RIMS4: variants seen among roughly 807,000 people sequenced by gnomAD.
The protein encoded by RIMS4 is regulating synaptic membrane exocytosis 4.
RIMS4 carries 9 observed loss-of-function variants against 29.0 expected under a neutral mutation model. The ratio of observed to expected loss-of-function variants is 0.31; its 90% CI spans 0.19 to 0.54. The LOEUF (loss-of-function observed/expected upper bound fraction) is 0.54. Among genes scored for constraint, RIMS4 ranks in the 20% least tolerant of loss-of-function variants. The probability of loss-of-function intolerance (pLI) is 0.94; values close to 1 mark genes in which losing one functional copy is unlikely to be tolerated. For synonymous variants in RIMS4, 130 were observed against 152.9 expected (o/e 0.85, Z 1.10); for missense variants, 193 against 365.7 (o/e 0.53, Z 3.85).
intron 1 of RIMS4, among the ~76,000 whole-genome samples, chr20:44,787,112 CAG>C (rs1176989285): frequency 7.2e-5 from 11 of 152,120 alleles, no homozygotes; most frequent in Non-Finnish European, 1.5e-4. Context: ...ATTCCCAACA[CAG>C]GGAACAGAAA....
At position 44,773,836 on chromosome 20, in the gene RIMS4, G is replaced by A. The variant is rs540268530; in HGVS notation, c.98-2423C>T. The stretch of plus-strand genomic sequence containing the variant: ...TCAGAAGGCCCAGGTATGGAGACCC[G>A]GGGCAAGCTGGACGGCATCTTCCCA... On this transcript the variant is annotated intron_variant, in intron 1 of 5. Transcript: ENST00000372851. Among the ~76,000 whole-genome samples, 9 of 152,268 alleles carry A rather than the reference G, an allele frequency of 5.9e-5. No homozygotes were observed. The South Asian group carries it at 6.2e-4, about 11-fold the overall frequency.
chr20:44,783,741 C>T (rs558924381), intron 1 of RIMS4, among the ~76,000 whole-genome samples: 1 of 152,208 alleles, frequency 6.6e-6, no homozygotes, highest in Non-Finnish European at 1.5e-5. Flanking sequence ...ATCATCTCTT[C>T]TATGACTCTA....
chr20:44,793,448 C>T (rs1466006730), intron 1 of RIMS4, among the ~76,000 whole-genome samples: 1 of 152,180 alleles, frequency 6.6e-6, no homozygotes, highest in Non-Finnish European at 1.5e-5. Flanking sequence ...TCTCCCTCTG[C>T]TCCCATATCC....
chr20:44,761,002 T>C (rs1180730906), intron 2 of RIMS4, among the ~76,000 whole-genome samples: 1 of 152,132 alleles, frequency 6.6e-6, no homozygotes, highest in Admixed American at 6.5e-5. Context: ...CTTTGATAGT[T>C]ACCCTGGGCC....
At chr20:44,780,191 A>G (rs972231571) in intron 1 of RIMS4, among the ~76,000 whole-genome samples, 1 of 152,198 alleles carries the variant, frequency 6.6e-6, no homozygotes, top group African/African-American at 2.4e-5. Flanking sequence ...TTTTTTCAAC[A>G]TCTCCAAAAT....
At chr20:44,771,032 A>C (rs2066134964) in intron 2 of RIMS4, among the ~76,000 whole-genome samples, 1 of 152,214 alleles carries the variant, frequency 6.6e-6, no homozygotes, top group African/African-American at 2.4e-5. Flanking sequence ...GACCTTGCCC[A>C]AGGTCACACA....
At chr20:44,774,610 T>C (rs564356356) in intron 1 of RIMS4, among the ~76,000 whole-genome samples, 1 of 152,302 alleles carries the variant, frequency 6.6e-6, no homozygotes, top group Non-Finnish European at 1.5e-5. Context: ...TTGTGGGACC[T>C]TGCCTTGTAA....
chr20:44,807,947 T>G (rs2066306209), intron 1 of RIMS4, among the ~76,000 whole-genome samples: 1 of 152,062 alleles, frequency 6.6e-6, no homozygotes. Flanking sequence ...TTCTACACAG[T>G]AAGGTCTGGA....
intron 1 of RIMS4, among the ~76,000 whole-genome samples, chr20:44,789,932 T>G (rs1401992151): frequency 6.6e-6 from 1 of 152,180 alleles, no homozygotes; most frequent in African/African-American, 2.4e-5. Flanking sequence ...GTCAACAGAA[T>G]GGGGAGATTG....
chr20:44,776,962 T>G (rs1393284732), intron 1 of RIMS4, among the ~76,000 whole-genome samples: 1 of 152,196 alleles, frequency 6.6e-6, no homozygotes, highest in African/African-American at 2.4e-5. Flanking sequence ...TCCAAAGCCA[T>G]GTTTTAAATG....
At chr20:44,781,626 T>C (rs996340092) in intron 1 of RIMS4, among the ~76,000 whole-genome samples, 7 of 152,248 alleles carry the variant, frequency 4.6e-5, no homozygotes, top group Admixed American at 3.3e-4. Flanking sequence ...GGAGGTCCTA[T>C]GCTGAGCAGG....
At chr20:44,761,325 C>T (rs890428719) in intron 2 of RIMS4, among the ~76,000 whole-genome samples, 2 of 152,186 alleles carry the variant, frequency 1.3e-5, no homozygotes, top group Admixed American at 6.5e-5. Flanking sequence ...TGCATGGCCC[C>T]ACCCTATCCC....
intron 2 of RIMS4, among the ~76,000 whole-genome samples, chr20:44,765,018 A>T (rs1264180826): frequency 6.6e-6 from 1 of 152,188 alleles, no homozygotes; most frequent in Non-Finnish European, 1.5e-5. Flanking sequence ...TGATAGTACT[A>T]TTTATCAATG....
intron 1 of RIMS4, among the ~76,000 whole-genome samples, chr20:44,795,470 C>T (rs1181065708): frequency 6.6e-6 from 1 of 152,076 alleles, no homozygotes; most frequent in Admixed American, 6.5e-5. Flanking sequence ...CCCATCTCCA[C>T]TAAAACAAAA....
intron 3 of RIMS4, 31 bp downstream of exon 3, chr20:44,758,041 G>T: frequency 6.7e-7 from 1 of 1,491,760 alleles, no homozygotes; most frequent in South Asian, 1.2e-5. Flanking sequence ...AACTCCCCTA[G>T]TCCATTTGAA....
chr20:44,776,895 A>G (rs2066162562), intron 1 of RIMS4, among the ~76,000 whole-genome samples: 1 of 152,186 alleles, frequency 6.6e-6, no homozygotes. Flanking sequence ...TAACTTTCCC[A>G]AGGACATGCA....
rs770120199 is a variant in RIMS4, at chr20:44,769,280, CCTTT to C, written c.236+1991_236+1994del. The stretch of plus-strand genomic sequence containing the variant: ...GATAATGCTCCCCTTGGTCATGTGG[CCTTT>C]CTGAGCCTTCATCTCCTCTTCTATA... On this transcript the variant is annotated intron_variant, in intron 2 of 5. Transcript: ENST00000372851. 1.1e-4 allele frequency among the ~76,000 whole-genome samples: 17 copies of C among 152,328 alleles called. No individual in the cohort carries two copies. The South Asian group carries it at 1.7e-3, about 15-fold the overall frequency.
intron 1 of RIMS4, among the ~76,000 whole-genome samples, chr20:44,798,022 ACTACCCCTT>A (rs1278304483): frequency 6.6e-6 from 1 of 152,132 alleles, no homozygotes; most frequent in Non-Finnish European, 1.5e-5. Flanking sequence ...CGACAAATCA[ACTACCCCTT>A]CTGCTTTCAC....
At chr20:44,795,413 A>G (rs1601042264) in intron 1 of RIMS4, among the ~76,000 whole-genome samples, 1 of 152,308 alleles carries the variant, frequency 6.6e-6, no homozygotes. Context: ...AGGCAGGCGG[A>G]TCATGAAGTC....
Sources: allele counts gnomAD v4.1 joint callset (sites outside exome capture counted in the v4.1 genomes callset), GRCh38; gene constraint gnomAD v4.1.1; transcripts MANE v1.5; gene names NCBI Gene and HGNC (gene_info 2026-07-23, HGNC 2026-07-21).